SNTB1: variants seen among roughly 807,000 people sequenced by gnomAD.
The protein encoded by SNTB1 is syntrophin beta 1, also known as beta-1-syntrophin.
SNTB1 carries 36 observed loss-of-function variants against 48.9 expected under a neutral mutation model. The ratio of observed to expected loss-of-function variants is 0.74; its 90% confidence interval spans 0.56 to 0.97. The LOEUF (loss-of-function observed/expected upper bound fraction) is 0.97. Ranked by LOEUF, SNTB1 falls within the 50% of genes least tolerant of loss-of-function variation. The probability of loss-of-function intolerance (pLI) is 0.00; values close to 1 mark genes in which losing one functional copy is unlikely to be tolerated. For synonymous variants in SNTB1, 299 were observed against 294.6 expected, an observed-to-expected ratio of 1.01 and a Z score of -0.15; for missense variants, 786 against 703.4, an observed-to-expected ratio of 1.12 and a Z score of -1.33.
At chr8:120,633,746 A>C (rs1817022881) in intron 2 of SNTB1, among the ~76,000 whole-genome samples, 1 of 152,244 alleles carries the variant, frequency 6.6e-6, no homozygotes, top group African/African-American at 2.4e-5. Context: ...GAAATTCTCA[A>C]CAGATACTTT....
Position 120,635,525 on chromosome 8 carries a change from T to A in SNTB1, c.789-2874A>T, listed in dbSNP as rs189910083. ...CTTTATTAAAGCAAAGAACTGAAGATAATTTTAAAGAACTCTACCTCCACC... is the reference window on the plus strand; with the variant it reads ...CTTTATTAAAGCAAAGAACTGAAGAAAATTTTAAAGAACTCTACCTCCACC... On this transcript the variant is annotated intron_variant, in intron 2 of 6. Coordinates refer to ENST00000517992, the MANE Select transcript of SNTB1 (RefSeq NM_021021.4). 2.6e-3 allele frequency: 406 copies of A among 155,286 alleles called. 2 individuals carry two copies. Among genetic ancestry groups the A allele is most frequent in the African/African-American group, 9.4e-3 (390 of 41,604 alleles). 9.6% of individuals were successfully genotyped at this position (155,286 alleles called of 1,614,324 possible).
chr8:120,740,778 T>C (rs1296685942), intron 1 of SNTB1, among the ~76,000 whole-genome samples: 2 of 152,036 alleles, frequency 1.3e-5, no homozygotes, highest in Non-Finnish European at 2.9e-5. Flanking sequence ...TTTAATCACT[T>C]TTTGTTATTA....
chr8:120,571,337 A>G (rs1815839115), intron 4 of SNTB1: 1 of 1,288,168 alleles, frequency 7.8e-7, no homozygotes, highest in African/African-American at 1.5e-5. Flanking sequence ...ATGTCTCAGA[A>G]TCTGAAGATA....
chr8:120,582,952 G>A (rs1213142083), intron 3 of SNTB1, among the ~76,000 whole-genome samples: 1 of 151,918 alleles, frequency 6.6e-6, no homozygotes, highest in African/African-American at 2.4e-5. Flanking sequence ...ATGAAACAGG[G>A]GACATCACTA....
chr8:120,604,861 A>G (rs1236275698), intron 3 of SNTB1, among the ~76,000 whole-genome samples: 1 of 152,254 alleles, frequency 6.6e-6, no homozygotes, highest in Non-Finnish European at 1.5e-5. Context: ...GATATAAACC[A>G]GAATTCAAAG....
intron 1 of SNTB1, among the ~76,000 whole-genome samples, chr8:120,712,456 A>T (rs1818479852): frequency 6.6e-6 from 1 of 151,698 alleles, no homozygotes; most frequent in African/African-American, 2.4e-5. Flanking sequence ...GACATTATTC[A>T]TATAGTGAAT....
intron 1 of SNTB1, among the ~76,000 whole-genome samples, chr8:120,804,727 A>C (rs908227954): frequency 6.6e-6 from 1 of 152,108 alleles, no homozygotes; most frequent in Non-Finnish European, 1.5e-5. Context: ...CGCCCCCCCA[A>C]GGCATGGTCC....
intron 1 of SNTB1, among the ~76,000 whole-genome samples, chr8:120,698,142 A>G (rs1365767530): frequency 6.6e-6 from 1 of 152,160 alleles, no homozygotes; most frequent in African/African-American, 2.4e-5. Flanking sequence ...TTTGCTGAAC[A>G]ATGCCTGTGA....
rs147535244 is a variant in SNTB1, at chr8:120,693,870, C to G, written c.610G>C (p.Gly204Arg). ...MREATPYVKK[G>R]SPVSEIGWET... ...CACCCAATCTCGGATACTGGGGATCCTTTCTTCACATAGGGCGTGGCTTCT... is the reference window on the plus strand; with the variant it reads ...CACCCAATCTCGGATACTGGGGATCGTTTCTTCACATAGGGCGTGGCTTCT... The change falls in exon 2 of 7, where the codon GGA (glycine) becomes CGA (arginine). Residue 204 changes from glycine to arginine, a missense_variant. Physicochemically the swap from Gly to Arg is moderately radical, Grantham distance 125. Transcript: ENST00000517992. 233 of 1,614,006 alleles carry G rather than the reference C, an allele frequency of 1.4e-4. No homozygotes were observed. The highest frequency in any genetic ancestry group is 3.3e-4 in the Middle Eastern group (2 of 6,082).
intron 3 of SNTB1, among the ~76,000 whole-genome samples, chr8:120,604,968 G>A (rs116911797): frequency 0.013 from 2,011 of 152,282 alleles, 22 homozygotes; most frequent in Non-Finnish European, 0.018. Context: ...ATTGCTGGAT[G>A]AATGAAAATA....
intron 2 of SNTB1, among the ~76,000 whole-genome samples, chr8:120,656,332 T>A (rs998207826): frequency 2.0e-5 from 3 of 152,162 alleles, no homozygotes; most frequent in Non-Finnish European, 2.9e-5. Context: ...ACTGACAATA[T>A]CTCTTGTGTT....
Position 120,811,605 on chromosome 8 carries a change from C to G in SNTB1, c.239G>C (p.Gly80Ala), listed in dbSNP as rs370781989. Residue 80 changes from glycine (G) to alanine (A), a missense_variant, in exon 1 of 7, where the codon GGC (glycine) becomes GCC (alanine). Physicochemically the swap from Gly to Ala is moderately conservative, Grantham distance 60. Transcript: ENST00000517992. Reference sequence around the variant, plus strand: ...GGGCGAGTCCGGGGGCTGCGCGCCGCCCGCGCCCGGGTGCCCAGCCCCGGC... The same window carrying G: ...GGGCGAGTCCGGGGGCTGCGCGCCGGCCGCGCCCGGGTGCCCAGCCCCGGC... ...RGAGAGHPGAGGAQPPDSPAG... is the reference protein window; with the variant it reads ...RGAGAGHPGAAGAQPPDSPAG... The G allele has an allele frequency of 1.8e-5, 29 of 1,578,404 alleles. No homozygotes were observed. Among genetic ancestry groups the G allele is most frequent in the Non-Finnish European group, 3.4e-6 (4 of 1,166,514 alleles).
At chr8:120,677,286 G>A (rs1563849136) in intron 2 of SNTB1, among the ~76,000 whole-genome samples, 1 of 152,068 alleles carries the variant, frequency 6.6e-6, no homozygotes, top group African/African-American at 2.4e-5. Context: ...AAATTTATTG[G>A]AATATTTCTA....
intron 3 of SNTB1, among the ~76,000 whole-genome samples, chr8:120,590,944 C>G (rs1816231185): frequency 6.6e-6 from 1 of 152,174 alleles, no homozygotes; most frequent in East Asian, 1.9e-4. Context: ...CTCGGCCTCC[C>G]AAAGTGCTGG....
At chr8:120,665,644 T>C (rs931306402) in intron 2 of SNTB1, among the ~76,000 whole-genome samples, 1 of 152,176 alleles carries the variant, frequency 6.6e-6, no homozygotes, top group Non-Finnish European at 1.5e-5. Context: ...TAGAACCTTT[T>C]CCAAACTCAA....
At chr8:120,791,412 C>T (rs1395906825) in intron 1 of SNTB1, among the ~76,000 whole-genome samples, 2 of 151,852 alleles carry the variant, frequency 1.3e-5, no homozygotes, top group African/African-American at 2.4e-5. Flanking sequence ...ACTAAAACCC[C>T]GAAAGCAAAT....
At chr8:120,670,271 G>A (rs560215138) in intron 2 of SNTB1, among the ~76,000 whole-genome samples, 18 of 152,310 alleles carry the variant, frequency 1.2e-4, no homozygotes, top group Middle Eastern at 6.8e-3. Flanking sequence ...TGAAGACAGT[G>A]TAATACGATG....
At chr8:120,613,153 C>T (rs1057383680) in intron 3 of SNTB1, among the ~76,000 whole-genome samples, 1 of 151,948 alleles carries the variant, frequency 6.6e-6, no homozygotes, top group Admixed American at 6.6e-5. Flanking sequence ...AGTTCAAAAC[C>T]AGCCTGGCCA....
chr8:120,622,641 G>A (rs182281951), intron 3 of SNTB1, among the ~76,000 whole-genome samples: 1 of 152,260 alleles, frequency 6.6e-6, no homozygotes, highest in Admixed American at 6.5e-5. Flanking sequence ...GAATACAGCT[G>A]TAAATAAAAG....
Sources: gnomAD v4.1 joint callset for allele counts (sites outside exome capture counted in the v4.1 genomes callset) on GRCh38, gnomAD v4.1.1 for gene constraint, MANE v1.5 for transcripts, NCBI Gene and HGNC (gene_info 2026-07-23, HGNC 2026-07-21) for gene names.